Variants in PARD3B observed in about 807,000 individuals in gnomAD.
PARD3B encodes the protein par-3 family cell polarity regulator beta, also known as partitioning defective 3 homolog B.
PARD3B carries 103 observed loss-of-function variants against 130.2 expected under a neutral mutation model. The ratio of observed to expected loss-of-function variants is 0.79; its 90% CI spans 0.67 to 0.93. The LOEUF is 0.93. Among genes scored for constraint, PARD3B ranks in the 40% least tolerant of loss-of-function variants. The probability of loss-of-function intolerance (pLI) is 0.00; values close to 1 mark genes in which losing one functional copy is unlikely to be tolerated. For missense variants in PARD3B, 1,609 were observed against 1,499.2 expected, an observed-to-expected ratio of 1.07 and a Z score of -1.21; for synonymous variants, 583 against 553.2, an observed-to-expected ratio of 1.05 and a Z score of -0.76.
At chr2:204,999,713 T>TG (rs1205179675) in intron 3 of PARD3B, among the ~76,000 whole-genome samples, 1 of 152,234 alleles carries the variant, frequency 6.6e-6, no homozygotes, top group Admixed American at 6.5e-5. Flanking sequence ...TACTCTCAGA[T>TG]GAAGAACAGT....
At chr2:204,697,355 C>A (rs1340334832) in intron 2 of PARD3B, among the ~76,000 whole-genome samples, 1 of 152,094 alleles carries the variant, frequency 6.6e-6, no homozygotes, top group Non-Finnish European at 1.5e-5. Context: ...TGCTAACTGT[C>A]CTCAACTATT....
intron 3 of PARD3B, among the ~76,000 whole-genome samples, chr2:205,026,622 C>T (rs1181940447): frequency 1.3e-5 from 2 of 152,082 alleles, no homozygotes; most frequent in African/African-American, 2.4e-5. Context: ...TACATGAGAT[C>T]CCCAGAATTT....
intron 2 of PARD3B, among the ~76,000 whole-genome samples, chr2:204,874,966 T>C (rs2045779325): frequency 6.6e-6 from 1 of 152,232 alleles, no homozygotes; most frequent in Non-Finnish European, 1.5e-5. Context: ...TCTCAGTTTA[T>C]TCGTTCTCTT....
At chr2:205,053,633 C>T (rs1699389657) in intron 4 of PARD3B, among the ~76,000 whole-genome samples, 1 of 150,232 alleles carries the variant, frequency 6.7e-6, no homozygotes, top group African/African-American at 2.4e-5. Flanking sequence ...ACAGTGAAAA[C>T]TCCATCTCAA....
At chr2:205,164,631 A>C (rs1299114906) in intron 11 of PARD3B, among the ~76,000 whole-genome samples, 1 of 152,048 alleles carries the variant, frequency 6.6e-6, no homozygotes, top group African/African-American at 2.4e-5. Context: ...TTTGATGTGT[A>C]TTTTGGACTC....
intron 16 of PARD3B, chr2:205,293,591 T>A (rs1244387895): frequency 6.6e-6 from 1 of 152,142 alleles, no homozygotes; most frequent in East Asian, 1.9e-4. Context: ...AAGGAACAAC[T>A]AGTATGCAAA....
chr2:205,355,166 G>T (rs1216202751), intron 18 of PARD3B, among the ~76,000 whole-genome samples: 1 of 152,128 alleles, frequency 6.6e-6, no homozygotes, highest in Admixed American at 6.5e-5. Flanking sequence ...TGTTGCTGTC[G>T]TGAAAGGCTT....
chr2:205,483,434 T>A (rs2049318749), intron 20 of PARD3B, among the ~76,000 whole-genome samples: 1 of 152,230 alleles, frequency 6.6e-6, no homozygotes. Context: ...GCTTTAGAAA[T>A]GCAGCTGACA....
At chr2:204,864,363 T>C (rs767759311) in intron 2 of PARD3B, among the ~76,000 whole-genome samples, 24 of 152,328 alleles carry the variant, frequency 1.6e-4, no homozygotes, top group Admixed American at 2.6e-4. Context: ...CTGGCCCTAC[T>C]ATCTTCTCTA....
At chr2:205,380,948 TATA>T (rs1559035100) in intron 18 of PARD3B, among the ~76,000 whole-genome samples, 2 of 64,528 alleles carry the variant, frequency 3.1e-5, no homozygotes, top group African/African-American at 9.3e-5. Context: ...ATATATAATA[TATA>T]ATGTATATAA....
In PARD3B at chr2:204,659,229, A is replaced by T. The variant is rs183805997; in HGVS notation, c.121-26952A>T. Among the ~76,000 whole-genome samples the T allele has an allele frequency of 2.6e-5, 4 of 152,292 alleles. No individual in the cohort carries two copies. The East Asian group carries it at 7.7e-4, about 29-fold the overall frequency. Reference sequence around the variant, plus strand: ...GGAAGAACCTTGGTAATTTTGACATAATTGAACAATTGTGTTGTTTTCCCT... The same window carrying T: ...GGAAGAACCTTGGTAATTTTGACATTATTGAACAATTGTGTTGTTTTCCCT... On this transcript the variant is annotated intron_variant, in intron 1 of 22. Transcript: ENST00000406610.
At chr2:205,197,028 G>GTGTGTGT in intron 15 of PARD3B, among the ~76,000 whole-genome samples, 1 of 9,482 alleles carries the variant, frequency 1.1e-4, no homozygotes, top group Non-Finnish European at 2.1e-4. Flanking sequence ...CACTGTGGGG[G>GTGTGTGT]GGGGGTGTGT....
chr2:204,930,661 A>C (rs1687963753), intron 2 of PARD3B, among the ~76,000 whole-genome samples: 1 of 152,018 alleles, frequency 6.6e-6, no homozygotes, highest in Non-Finnish European at 1.5e-5. Context: ...TTTTTAACAT[A>C]ATCAGTCCCC....
chr2:205,063,427 C>A (rs1700176704), intron 4 of PARD3B, among the ~76,000 whole-genome samples: 1 of 151,982 alleles, frequency 6.6e-6, no homozygotes, highest in Non-Finnish European at 1.5e-5. Context: ...AGAAATTAGT[C>A]TTTGCAAGGA....
At chr2:204,837,859 C>G (rs910425944) in intron 2 of PARD3B, among the ~76,000 whole-genome samples, 3 of 152,146 alleles carry the variant, frequency 2.0e-5, no homozygotes, top group Non-Finnish European at 4.4e-5. Context: ...TAACCCATCA[C>G]ATATTTGAAG....
chr2:205,246,280 G>A (rs2039569134), intron 16 of PARD3B, among the ~76,000 whole-genome samples: 1 of 151,274 alleles, frequency 6.6e-6, no homozygotes, highest in Non-Finnish European at 1.5e-5. Flanking sequence ...GATTGTTCCA[G>A]GGATGTATGC....
intron 2 of PARD3B, among the ~76,000 whole-genome samples, chr2:204,835,172 G>C (rs1232512499): frequency 3.3e-5 from 5 of 152,226 alleles, no homozygotes; most frequent in Non-Finnish European, 1.5e-5. Context: ...TGCGCTTAAT[G>C]CACTTTGTGC....
intron 3 of PARD3B, among the ~76,000 whole-genome samples, chr2:205,022,787 G>A (rs1159328402): frequency 1.3e-5 from 2 of 152,112 alleles, no homozygotes; most frequent in African/African-American, 2.4e-5. Flanking sequence ...AAAAAACTGG[G>A]ACACTGGGTT....
chr2:205,452,156 G>A (rs895669549), intron 20 of PARD3B, among the ~76,000 whole-genome samples: 1 of 152,218 alleles, frequency 6.6e-6, no homozygotes, highest in Admixed American at 6.5e-5. Flanking sequence ...CTGGGGCAAT[G>A]TAGGATAGTT....
Sources: allele counts gnomAD v4.1 joint callset (sites outside exome capture counted in the v4.1 genomes callset), GRCh38; gene constraint gnomAD v4.1.1; transcripts MANE v1.5; gene names NCBI Gene and HGNC (gene_info 2026-07-23, HGNC 2026-07-21).